HSD17B2: variants seen among roughly 807,000 people sequenced by gnomAD.
HSD17B2 encodes hydroxysteroid 17-beta dehydrogenase 2.
In HSD17B2, 32 loss-of-function variants were observed where a neutral mutation model predicts 26.9. The observed-to-expected ratio is 1.19, with a 90% CI of 0.90 to 1.60. The LOEUF (loss-of-function observed/expected upper bound fraction) is 1.60. Ranked by LOEUF, HSD17B2 falls within the 40% of genes most tolerant of loss-of-function variation. The probability of loss-of-function intolerance (pLI) is 0.00; values close to 1 mark genes in which losing one functional copy is unlikely to be tolerated. For missense variants in HSD17B2, 613 were observed against 468.6 expected, an observed-to-expected ratio of 1.31 and a Z score of -2.85; for synonymous variants, 246 against 186.7, an observed-to-expected ratio of 1.32 and a Z score of -2.59.
In HSD17B2 at chr16:82,065,174, A is replaced by G. The variant is rs150461174; in HGVS notation, c.266-2996A>G. ...GATGCAAGGCCAAAGGAAGGATTGG[A>G]AAGTGCAAAGTTCATGATTCTCAGG... On this transcript the variant is annotated intron_variant, in intron 1 of 4. Coordinates refer to ENST00000199936, the MANE Select transcript of HSD17B2 (RefSeq NM_002153.3). Among the ~76,000 whole-genome samples the G allele has an allele frequency of 1.2e-4, 18 of 152,288 alleles. No individual in the cohort carries two copies. The East Asian group carries it at 2.7e-3, about 23-fold the overall frequency.
At chr16:82,052,677 G>A (rs1034561730) in intron 1 of HSD17B2, among the ~76,000 whole-genome samples, 3 of 152,066 alleles carry the variant, frequency 2.0e-5, no homozygotes, top group African/African-American at 7.2e-5. Context: ...ATTTTTTTAT[G>A]CTCAAAACTC....
chr16:82,082,683 G>C (rs1251248265), intron 3 of HSD17B2, among the ~76,000 whole-genome samples: 1 of 152,144 alleles, frequency 6.6e-6, no homozygotes, highest in Non-Finnish European at 1.5e-5. Context: ...TCCTATGACA[G>C]TTGTGACCAT....
chr16:82,055,712 G>C (rs1412308767), intron 1 of HSD17B2, among the ~76,000 whole-genome samples: 1 of 152,218 alleles, frequency 6.6e-6, no homozygotes, highest in African/African-American at 2.4e-5. Flanking sequence ...TGTCAGAGCA[G>C]GTTCATGAGC....
rs75759897 is a variant in HSD17B2 at position 82,042,011 on chromosome 16, T to A, written c.265+6322T>A. Among the ~76,000 whole-genome samples the A allele has an allele frequency of 8.5e-4, 128 of 151,282 alleles. 1 individual carries two copies. The highest frequency in any genetic ancestry group is 2.2e-3 in the African/African-American group (91 of 41,258). ...TCTTTTCTTTTCTTTTTTTTTTTTT[T>A]AATTTTTTATGCACAGAGTCTCGCT... On this transcript the variant is annotated intron_variant, in intron 1 of 4. Transcript: ENST00000199936.
intron 1 of HSD17B2, among the ~76,000 whole-genome samples, chr16:82,058,673 C>T (rs984738585): frequency 8.5e-5 from 13 of 152,086 alleles, no homozygotes; most frequent in Admixed American, 1.3e-4. Flanking sequence ...CGAATTTTCA[C>T]GGTGACCAGG....
chr16:82,056,949 G>C (rs930642914), intron 1 of HSD17B2, among the ~76,000 whole-genome samples: 2 of 152,146 alleles, frequency 1.3e-5, no homozygotes, highest in Non-Finnish European at 2.9e-5. Context: ...GAAAAAATGT[G>C]CACTTTTATG....
At chr16:82,053,912 G>A in intron 1 of HSD17B2, among the ~76,000 whole-genome samples, 1 of 152,182 alleles carries the variant, frequency 6.6e-6, no homozygotes, top group Middle Eastern at 3.2e-3. Context: ...TTCATTATCA[G>A]TTTTATTTAA....
chr16:82,086,412 G>C (rs1254107051), intron 3 of HSD17B2, among the ~76,000 whole-genome samples: 5 of 152,280 alleles, frequency 3.3e-5, no homozygotes, highest in African/African-American at 1.2e-4. Flanking sequence ...GTAAGCTTCA[G>C]AATGGTAACT....
chr16:82,044,564 T>A, intron 1 of HSD17B2: 1 of 152,286 alleles, frequency 6.6e-6, no homozygotes, highest in East Asian at 1.9e-4. Context: ...CTCCTCTCCT[T>A]CTCAGTCCTG....
intron 3 of HSD17B2, among the ~76,000 whole-genome samples, chr16:82,079,935 G>C (rs1259077894): frequency 1.3e-5 from 2 of 152,154 alleles, no homozygotes; most frequent in African/African-American, 4.8e-5. Flanking sequence ...TTTGAAGCAA[G>C]GTGCATGGAG....
intron 3 of HSD17B2, among the ~76,000 whole-genome samples, chr16:82,073,171 G>A (rs1914735454): frequency 6.6e-6 from 1 of 151,994 alleles, no homozygotes; most frequent in Non-Finnish European, 1.5e-5. Context: ...TTTCATTGAA[G>A]GGAAACTCTG....
chr16:82,086,251 C>T (rs1050074839), intron 3 of HSD17B2, among the ~76,000 whole-genome samples: 11 of 152,086 alleles, frequency 7.2e-5, no homozygotes, highest in African/African-American at 2.7e-4. Context: ...GGATCACTGG[C>T]TAAATAAAAT....
At chr16:82,070,138 T>G (rs1914664399) in intron 2 of HSD17B2, among the ~76,000 whole-genome samples, 1 of 152,212 alleles carries the variant, frequency 6.6e-6, no homozygotes, top group South Asian at 2.1e-4. Flanking sequence ...AAATGTTGTT[T>G]TTTTTCCCCC....
At chr16:82,051,026 T>G (rs941022309) in intron 1 of HSD17B2, among the ~76,000 whole-genome samples, 1 of 152,232 alleles carries the variant, frequency 6.6e-6, no homozygotes, top group Non-Finnish European at 1.5e-5. Context: ...AACTACTAGC[T>G]TAAATATTAA....
At chr16:82,077,767 G>T (rs1904310209) in intron 3 of HSD17B2, among the ~76,000 whole-genome samples, 1 of 147,040 alleles carries the variant, frequency 6.8e-6, no homozygotes, top group Admixed American at 6.8e-5. Context: ...AGAAAAGAAA[G>T]AAAGAAAGGA....
At chr16:82,043,114 T>A (rs1567576825) in intron 1 of HSD17B2, among the ~76,000 whole-genome samples, 1 of 152,346 alleles carries the variant, frequency 6.6e-6, no homozygotes, top group South Asian at 2.1e-4. Flanking sequence ...TGTCTTCTTA[T>A]TCAGGCTATC....
At chr16:82,069,505 T>G (rs1914648851) in intron 2 of HSD17B2, among the ~76,000 whole-genome samples, 1 of 152,220 alleles carries the variant, frequency 6.6e-6, no homozygotes, top group South Asian at 2.1e-4. Flanking sequence ...CTCTCCTCCT[T>G]GGCTTTGGGG....
intron 3 of HSD17B2, chr16:82,090,343 GAGTTTCACTCTTTCGAA>G (rs1904653759): frequency 5.2e-6 from 1 of 193,336 alleles, no homozygotes; most frequent in Non-Finnish European, 6.9e-6. Context: ...TTTTGAGACG[GAGTTTCACTCTTTCGAA>G]AGGCTGGAGT....
intron 4 of HSD17B2, chr16:82,095,923 G>A (rs1904825540): frequency 6.6e-6 from 1 of 151,986 alleles, no homozygotes. Flanking sequence ...AATGTAGAAG[G>A]GCACACAAAA....
Sources: allele counts gnomAD v4.1 joint callset (sites outside exome capture counted in the v4.1 genomes callset), GRCh38; gene constraint gnomAD v4.1.1; transcripts MANE v1.5; gene names NCBI Gene and HGNC (gene_info 2026-07-23, HGNC 2026-07-21).